The following IL1RAPL2 variants were observed in gnomAD, a reference collection of about 807,000 sequenced individuals.
IL1RAPL2 encodes the protein X-linked interleukin-1 receptor accessory protein-like 2.
Under a neutral mutation model 44.1 loss-of-function variants are expected in IL1RAPL2, and 3 were observed. That is an observed-to-expected ratio of 0.07 (90% CI 0.03 to 0.18). The LOEUF (loss-of-function observed/expected upper bound fraction) is 0.18. Among genes scored for constraint, IL1RAPL2 ranks in the 10% least tolerant of loss-of-function variants. IL1RAPL2 has a pLI of 1.00. For synonymous variants in IL1RAPL2, 181 were observed against 178.8 expected, an observed-to-expected ratio of 1.01 and a Z score of -0.10; for missense variants, 391 against 496.4, an observed-to-expected ratio of 0.79 and a Z score of 2.02.
intron 2 of IL1RAPL2, among the ~76,000 whole-genome samples, chrX:104,910,327 G>A (rs771905480): frequency 6.9e-4 from 77 of 112,217 alleles, no homozygotes; most frequent in Non-Finnish European, 1.2e-3. Flanking sequence ...CGTTGCTCGT[G>A]CTGGGAACTG....
intron 6 of IL1RAPL2, among the ~76,000 whole-genome samples, chrX:105,708,548 G>A (rs898428614): frequency 9.0e-6 from 1 of 111,663 alleles, no homozygotes; most frequent in Non-Finnish European, 1.9e-5. Context: ...TGATGATACA[G>A]AAGTTGGGAA....
intron 2 of IL1RAPL2, among the ~76,000 whole-genome samples, chrX:104,665,648 C>T (rs1267191556): frequency 9.0e-6 from 1 of 111,005 alleles, no homozygotes; most frequent in Non-Finnish European, 1.9e-5. Context: ...TCATACTGTA[C>T]GTACTATTCT....
intron 2 of IL1RAPL2, among the ~76,000 whole-genome samples, chrX:104,790,469 C>G (rs757638746): frequency 9.0e-6 from 1 of 111,400 alleles, no homozygotes; most frequent in Non-Finnish European, 1.9e-5. Flanking sequence ...TTGCGATAAG[C>G]AGAAGCCAGC....
intron 2 of IL1RAPL2, among the ~76,000 whole-genome samples, chrX:104,800,718 C>T (rs1932879729): frequency 8.9e-6 from 1 of 112,653 alleles, no homozygotes; most frequent in East Asian, 2.8e-4. Flanking sequence ...TTGTGAAGCA[C>T]TGGTTTATCT....
chrX:104,648,743 C>T (rs948833233), intron 1 of IL1RAPL2, among the ~76,000 whole-genome samples: 24 of 111,376 alleles, frequency 2.2e-4, no homozygotes, highest in Non-Finnish European at 4.3e-4. Context: ...TCTTAATGGT[C>T]AGAACTCAAG....
At chrX:105,443,870 G>T (rs758134422) in intron 5 of IL1RAPL2, among the ~76,000 whole-genome samples, 1 of 111,742 alleles carries the variant, frequency 8.9e-6, no homozygotes, top group East Asian at 2.8e-4. Context: ...CAGTGGGATC[G>T]CTGGATCATA....
At chrX:105,685,693 T>C (rs2037965682) in intron 6 of IL1RAPL2, among the ~76,000 whole-genome samples, 1 of 110,695 alleles carries the variant, frequency 9.0e-6, no homozygotes, top group Admixed American at 9.6e-5. Context: ...ATTCAGGAAA[T>C]ACAGACAACT....
At chrX:105,133,176 G>A (rs2033044302) in intron 2 of IL1RAPL2, among the ~76,000 whole-genome samples, 1 of 111,680 alleles carries the variant, frequency 9.0e-6, no homozygotes, top group South Asian at 3.7e-4. Context: ...AACACATTAT[G>A]AGAAATATTC....
intron 3 of IL1RAPL2, among the ~76,000 whole-genome samples, chrX:105,227,932 C>A (rs2034033125): frequency 9.0e-6 from 1 of 111,377 alleles, no homozygotes; most frequent in Non-Finnish European, 1.9e-5. Context: ...CATGTATATT[C>A]TTTTTTCCCC....
chrX:105,311,611 T>TACACAC (rs369751919), intron 5 of IL1RAPL2, among the ~76,000 whole-genome samples: 110 of 92,549 alleles, frequency 1.2e-3, no homozygotes, highest in Non-Finnish European at 2.0e-3. Flanking sequence ...TATACATACA[T>TACACAC]ACACACACAC....
At chrX:105,406,988 AG>A in intron 5 of IL1RAPL2, 1 of 1,093,813 alleles carries the variant, frequency 9.1e-7, no homozygotes, top group Non-Finnish European at 1.3e-6. Context: ...TCCAACGTGA[AG>A]GGAGCTGTGT....
chrX:105,255,595 GCAAA>G (rs1224535881), intron 4 of IL1RAPL2, among the ~76,000 whole-genome samples: 1 of 111,926 alleles, frequency 8.9e-6, no homozygotes, highest in Non-Finnish European at 1.9e-5. Context: ...CATGTTGTCT[GCAAA>G]CAGAGATAGT....
intron 2 of IL1RAPL2, among the ~76,000 whole-genome samples, chrX:105,073,780 T>C (rs1458240815): frequency 2.7e-5 from 3 of 111,284 alleles, no homozygotes; most frequent in Non-Finnish European, 3.8e-5. Flanking sequence ...TTGATTTGCA[T>C]TGATGGCCAG....
At chrX:104,666,379 C>T (rs747179525) in intron 2 of IL1RAPL2, among the ~76,000 whole-genome samples, 18 of 111,774 alleles carry the variant, frequency 1.6e-4, no homozygotes, top group African/African-American at 4.5e-4. Flanking sequence ...CTGGAAAGTC[C>T]GAAAACAATT....
At chrX:105,460,904 G>C (rs903273757) in intron 5 of IL1RAPL2, among the ~76,000 whole-genome samples, 7 of 111,610 alleles carry the variant, frequency 6.3e-5, no homozygotes, top group Non-Finnish European at 1.3e-4. Flanking sequence ...AGCCATGTCT[G>C]TGTACACACA....
At chrX:104,666,213 C>A (rs755117399) in intron 2 of IL1RAPL2, among the ~76,000 whole-genome samples, 5 of 111,157 alleles carry the variant, frequency 4.5e-5, no homozygotes, top group Non-Finnish European at 9.4e-5. Flanking sequence ...CAAAGAATGG[C>A]AGAGAAGAGA....
intron 1 of IL1RAPL2, among the ~76,000 whole-genome samples, chrX:104,574,319 A>G (rs371879481): frequency 2.4e-4 from 27 of 111,688 alleles, no homozygotes; most frequent in African/African-American, 8.4e-4. Flanking sequence ...AAATTCATGA[A>G]TAGAATACTC....
intron 4 of IL1RAPL2, among the ~76,000 whole-genome samples, chrX:105,255,199 C>T (rs921678586): frequency 1.3e-4 from 14 of 111,320 alleles, no homozygotes; most frequent in African/African-American, 4.2e-4. Flanking sequence ...CATTTTTTTG[C>T]ATCTTCTCTG....
rs141050703 is a variant in IL1RAPL2, at chrX:105,410,463, C to T, written c.698-73850C>T. ...GAGCTGAGAAATGGCTATCAGACTG[C>T]GCAAAGTGGAGACTATTGAGTGGTG... is the stretch of plus-strand genomic sequence containing the variant. On this transcript the variant is annotated intron_variant, in intron 5 of 10. Transcript: ENST00000372582. 7.1e-3 allele frequency among the ~76,000 whole-genome samples: 784 copies of T among 109,913 alleles called. 8 individuals carry two copies. The highest frequency in any genetic ancestry group is 0.025 in the African/African-American group (743 of 30,262).
Sources: allele counts gnomAD v4.1 joint callset (sites outside exome capture counted in the v4.1 genomes callset), GRCh38; gene constraint gnomAD v4.1.1; transcripts MANE v1.5; gene names NCBI Gene and HGNC (gene_info 2026-07-23, HGNC 2026-07-21).